The following ANKS1B variants were observed in gnomAD, a reference collection of about 807,000 sequenced individuals.
ANKS1B encodes the protein ankyrin repeat and sterile alpha motif domain containing 1B.
In ANKS1B, 36 loss-of-function variants were observed where a neutral mutation model predicts 148.3. The observed-to-expected ratio is 0.24, with a 90% confidence interval of 0.19 to 0.32. The LOEUF is 0.32. Among genes scored for constraint, ANKS1B ranks in the 10% least tolerant of loss-of-function variants. The probability of loss-of-function intolerance (pLI) is 1.00; values close to 1 mark genes in which losing one functional copy is unlikely to be tolerated. For synonymous variants in ANKS1B, 542 were observed against 560.8 expected, an observed-to-expected ratio of 0.97 and a Z score of 0.47; for missense variants, 1,157 against 1,542.6, an observed-to-expected ratio of 0.75 and a Z score of 4.19.
intron 16 of ANKS1B, among the ~76,000 whole-genome samples, chr12:99,078,755 G>T (rs115390805): frequency 1.5e-5 from 1 of 67,722 alleles, no homozygotes; most frequent in Non-Finnish European, 3.0e-5. Flanking sequence ...CACCCTGCCC[G>T]CCCTACCCCA....
At chr12:99,080,503 A>T (rs921693583) in intron 16 of ANKS1B, among the ~76,000 whole-genome samples, 1 of 152,242 alleles carries the variant, frequency 6.6e-6, no homozygotes, top group Non-Finnish European at 1.5e-5. Flanking sequence ...CAGCGTGAGC[A>T]TACAATATAA....
chr12:99,053,490 C>T (rs548505344), intron 16 of ANKS1B, among the ~76,000 whole-genome samples, 181 bp from the exon 17 acceptor site: 6 of 152,270 alleles, frequency 3.9e-5, no homozygotes, highest in East Asian at 3.9e-4. Context: ...ATAATTTTCA[C>T]GCTGAATAGG....
At chr12:99,940,026 G>A (rs532480612) in intron 1 of ANKS1B, among the ~76,000 whole-genome samples, 3 of 152,248 alleles carry the variant, frequency 2.0e-5, no homozygotes, top group South Asian at 2.1e-4. Flanking sequence ...AATTTAGGTA[G>A]ACAAAATATT....
intron 17 of ANKS1B, among the ~76,000 whole-genome samples, chr12:98,859,442 G>A (rs1165833154): frequency 6.6e-6 from 1 of 152,162 alleles, no homozygotes. Context: ...AGTGCGGGGA[G>A]ATTAAAGGAA....
chr12:99,782,737 G>C (rs935709887), intron 4 of ANKS1B, among the ~76,000 whole-genome samples: 2 of 152,176 alleles, frequency 1.3e-5, no homozygotes, highest in African/African-American at 2.4e-5. Flanking sequence ...TATAGGCCAA[G>C]AGTAGCTGAT....
intron 17 of ANKS1B, among the ~76,000 whole-genome samples, chr12:98,878,813 T>C (rs2099698798): frequency 6.6e-6 from 1 of 152,226 alleles, no homozygotes. Flanking sequence ...GAGTGCCCCT[T>C]TGAGAGATAA....
intron 14 of ANKS1B, among the ~76,000 whole-genome samples, chr12:99,205,189 TAAACA>T (rs1224339311): frequency 2.0e-5 from 3 of 152,216 alleles, no homozygotes; most frequent in Non-Finnish European, 4.4e-5. Flanking sequence ...GCCAAATCTC[TAAACA>T]AGCCAGTTTT....
chr12:99,492,041 G>T (rs2096560780), intron 10 of ANKS1B, among the ~76,000 whole-genome samples: 1 of 151,912 alleles, frequency 6.6e-6, no homozygotes, highest in African/African-American at 2.4e-5. Context: ...CAGAAGACAA[G>T]AAATAACTGA....
chr12:98,952,924 T>C (rs575396946), intron 17 of ANKS1B, among the ~76,000 whole-genome samples: 2 of 152,230 alleles, frequency 1.3e-5, no homozygotes, highest in East Asian at 3.9e-4. Context: ...AGTGGTGCGA[T>C]CATGGCTCAC....
At chr12:99,542,234 T>C (rs1296787167) in intron 9 of ANKS1B, among the ~76,000 whole-genome samples, 3 of 152,058 alleles carry the variant, frequency 2.0e-5, no homozygotes, top group Admixed American at 6.5e-5. Flanking sequence ...ACAAGGACAA[T>C]ACTAAAAAAA....
chr12:99,662,952 A>G (rs1272693452), intron 8 of ANKS1B, among the ~76,000 whole-genome samples: 3 of 152,062 alleles, frequency 2.0e-5, no homozygotes, highest in Non-Finnish European at 4.4e-5. Flanking sequence ...TATGCAAGCA[A>G]TTTCACACTA....
intron 12 of ANKS1B, among the ~76,000 whole-genome samples, chr12:99,380,201 G>T (rs2093579805): frequency 6.6e-6 from 1 of 152,122 alleles, no homozygotes; most frequent in Non-Finnish European, 1.5e-5. Flanking sequence ...TTCATGTCTG[G>T]TCCATTTTAA....
At chr12:99,098,633 T>C (rs2057013566) in intron 15 of ANKS1B, among the ~76,000 whole-genome samples, 1 of 118,362 alleles carries the variant, frequency 8.4e-6, no homozygotes, top group Admixed American at 8.2e-5. Flanking sequence ...TTTTTTTTTT[T>C]TTTTTTTTTT....
chr12:99,163,776 A>T (rs1038317060), intron 14 of ANKS1B, among the ~76,000 whole-genome samples: 1 of 152,200 alleles, frequency 6.6e-6, no homozygotes, highest in African/African-American at 2.4e-5. Flanking sequence ...TCTGAAATCC[A>T]TACAAATTAT....
chr12:99,029,736 C>T (rs765633889), intron 17 of ANKS1B, among the ~76,000 whole-genome samples: 8 of 152,208 alleles, frequency 5.3e-5, no homozygotes, highest in Non-Finnish European at 7.3e-5. Flanking sequence ...CAGCTTTACA[C>T]GTGACGTAAA....
In ANKS1B at chr12:98,796,998, C is replaced by T. The variant is rs756857910; in HGVS notation, c.3342+1936G>A. Among the ~76,000 whole-genome samples, 10 of 152,088 alleles carry T rather than the reference C, an allele frequency of 6.6e-5. 1 individual carries two copies. Among genetic ancestry groups the T allele is most frequent in the East Asian group, 5.8e-4 (3 of 5,186 alleles). On this transcript the variant is annotated intron_variant, in intron 22 of 26. Transcript: ENST00000683438. ...GCAATACTGATGCTGATTATCACAC[C>T]GGAGTAGCTGGTCTCAGGTAATTTA...
intron 1 of ANKS1B, among the ~76,000 whole-genome samples, chr12:99,829,827 C>A (rs1230059309): frequency 6.6e-6 from 1 of 151,702 alleles, no homozygotes; most frequent in Non-Finnish European, 1.5e-5. Context: ...GAGATTCGGT[C>A]TCAAAAAACA....
chr12:99,699,909 C>T (rs901477441), intron 8 of ANKS1B, among the ~76,000 whole-genome samples: 1 of 152,108 alleles, frequency 6.6e-6, no homozygotes, highest in Non-Finnish European at 1.5e-5. Context: ...CTGAAAGCAC[C>T]TTTTAAATAT....
Position 99,308,953 on chromosome 12 carries a change from T to A in ANKS1B, c.1757-62089A>T, listed in dbSNP as rs181213962. Among the ~76,000 whole-genome samples the A allele has an allele frequency of 3.9e-3, 580 of 150,022 alleles. 3 individuals carry two copies. Among genetic ancestry groups the A allele is most frequent in the African/African-American group, 0.013 (552 of 41,128 alleles). Reference sequence around the variant, plus strand: ...ATATATGTTACCTGTGTACTATATATAACATATATATAACATATACACTGT... The same window carrying A: ...ATATATGTTACCTGTGTACTATATAAAACATATATATAACATATACACTGT... On this transcript the variant is annotated intron_variant, in intron 12 of 26. Transcript: ENST00000683438.
Sources: allele counts gnomAD v4.1 joint callset (sites outside exome capture counted in the v4.1 genomes callset), GRCh38; gene constraint gnomAD v4.1.1; transcripts MANE v1.5; gene names NCBI Gene and HGNC (gene_info 2026-07-23, HGNC 2026-07-21).